Variants in FHIT observed in about 807,000 individuals in gnomAD.
FHIT encodes the protein fragile histidine triad diadenosine triphosphatase, also known as bis(5'-adenosyl)-triphosphatase.
In FHIT, 19 loss-of-function variants were observed where a neutral mutation model predicts 17.9. That is an observed-to-expected ratio of 1.06 (90% confidence interval 0.74 to 1.56). FHIT has a LOEUF of 1.56. FHIT is among the 40% of genes most tolerant of loss of function. The pLI, the probability that FHIT is intolerant of heterozygous loss-of-function variation, is 0.00. For synonymous variants in FHIT, 81 were observed against 69.7 expected (o/e 1.16, Z -0.81); for missense variants, 248 against 189.2 (o/e 1.31, Z -1.82).
chr3:60,900,082 A>G (rs1394333912), intron 3 of FHIT, among the ~76,000 whole-genome samples: 1 of 152,194 alleles, frequency 6.6e-6, no homozygotes, highest in Non-Finnish European at 1.5e-5. Flanking sequence ...GGCAGCTTCA[A>G]GATAGCAGGC....
At chr3:59,930,728 T>C (rs1034762312) in intron 7 of FHIT, among the ~76,000 whole-genome samples, 3 of 151,980 alleles carry the variant, frequency 2.0e-5, no homozygotes, top group African/African-American at 7.3e-5. Context: ...TTAGGAAACG[T>C]TGGGGGGTGG....
intron 3 of FHIT, among the ~76,000 whole-genome samples, chr3:60,949,926 G>T (rs1000207798): frequency 3.9e-5 from 6 of 152,134 alleles, no homozygotes; most frequent in Admixed American, 1.3e-4. Context: ...TTATGGTATA[G>T]CCATAAAGTG....
chr3:60,569,164 C>T (rs2107657997), intron 4 of FHIT, among the ~76,000 whole-genome samples: 1 of 152,016 alleles, frequency 6.6e-6, no homozygotes, highest in South Asian at 2.1e-4. Flanking sequence ...TTGACATAGA[C>T]CAAGGTAACA....
intron 5 of FHIT, among the ~76,000 whole-genome samples, chr3:60,280,787 T>C (rs1168504404): frequency 6.6e-6 from 1 of 152,180 alleles, no homozygotes; most frequent in Non-Finnish European, 1.5e-5. Flanking sequence ...GATTTTCCCC[T>C]GTTAATACTC....
chr3:59,869,318 C>G (rs566439333), intron 8 of FHIT, among the ~76,000 whole-genome samples: 1 of 152,076 alleles, frequency 6.6e-6, no homozygotes, highest in Non-Finnish European at 1.5e-5. Context: ...ATTATGCTTT[C>G]TATCCTGCCC....
intron 5 of FHIT, among the ~76,000 whole-genome samples, chr3:60,157,144 T>G (rs1341960058): frequency 2.0e-5 from 3 of 152,226 alleles, no homozygotes; most frequent in East Asian, 3.8e-4. Context: ...GATGTAATAA[T>G]GGTTTCAGTG....
intron 8 of FHIT, among the ~76,000 whole-genome samples, chr3:59,805,907 C>T (rs926730825): frequency 6.6e-6 from 1 of 152,058 alleles, no homozygotes; most frequent in African/African-American, 2.4e-5. Context: ...GGAAGCTGGG[C>T]GCGGTGGCTC....
chr3:61,234,811 T>C (rs2040190081), intron 1 of FHIT, among the ~76,000 whole-genome samples: 1 of 152,194 alleles, frequency 6.6e-6, no homozygotes, highest in Non-Finnish European at 1.5e-5. Flanking sequence ...GCAGATCCAA[T>C]GGAGTTAACA....
At chr3:61,147,942 G>T (rs1194347356) in intron 2 of FHIT, among the ~76,000 whole-genome samples, 3 of 151,556 alleles carry the variant, frequency 2.0e-5, no homozygotes, top group Admixed American at 2.0e-4. Context: ...CATCATAAAT[G>T]TAATTTCAAA....
At chr3:61,023,974 G>A (rs974346169) in intron 3 of FHIT, among the ~76,000 whole-genome samples, 1 of 152,058 alleles carries the variant, frequency 6.6e-6, no homozygotes, top group Non-Finnish European at 1.5e-5. Context: ...AAAAGCAATG[G>A]CAACAAAAGC....
chr3:60,604,767 C>CTA (rs2038555333), intron 4 of FHIT, among the ~76,000 whole-genome samples: 1 of 152,190 alleles, frequency 6.6e-6, no homozygotes, highest in Non-Finnish European at 1.5e-5. Flanking sequence ...CTCTCACTTA[C>CTA]TATTGCCCAG....
At chr3:60,381,621 G>A (rs947823464) in intron 5 of FHIT, among the ~76,000 whole-genome samples, 2 of 152,184 alleles carry the variant, frequency 1.3e-5, no homozygotes, top group Non-Finnish European at 2.9e-5. Context: ...TATCTGCATT[G>A]ACTGCCAATC....
At position 60,484,193 on chromosome 3, in the gene FHIT, C is replaced by T. The variant is rs79929742; in HGVS notation, c.103+52667G>A. 4.0e-3 allele frequency among the ~76,000 whole-genome samples: 614 copies of T among 152,142 alleles called. 2 individuals are homozygous for T. The highest frequency in any genetic ancestry group is 6.2e-3 in the Non-Finnish European group (422 of 67,976). On this transcript the variant is annotated intron_variant, in intron 5 of 9. Transcript: ENST00000492590. Reference sequence around the variant, plus strand: ...AAATAAGAGAAAACAAATTGGACAACCTTCCATCCTCATGGATAGAAGGAA... The same window carrying T: ...AAATAAGAGAAAACAAATTGGACAATCTTCCATCCTCATGGATAGAAGGAA...
intron 2 of FHIT, among the ~76,000 whole-genome samples, chr3:61,145,058 T>C (rs1415416333): frequency 1.3e-5 from 2 of 152,158 alleles, no homozygotes; most frequent in Non-Finnish European, 2.9e-5. Flanking sequence ...GTCTAAATTA[T>C]CTATTTTTTA....
chr3:60,878,950 A>G (rs1704821729), intron 3 of FHIT, among the ~76,000 whole-genome samples: 1 of 152,186 alleles, frequency 6.6e-6, no homozygotes, highest in African/African-American at 2.4e-5. Flanking sequence ...CAATAAACAT[A>G]CATGTGCATG....
intron 3 of FHIT, among the ~76,000 whole-genome samples, chr3:60,951,476 C>T (rs1255319200): frequency 6.6e-6 from 1 of 152,154 alleles, no homozygotes. Context: ...GGAACCGTAA[C>T]AAGCAAACGA....
chr3:59,991,145 T>G (rs961128153), intron 7 of FHIT, among the ~76,000 whole-genome samples: 7 of 152,042 alleles, frequency 4.6e-5, no homozygotes, highest in Non-Finnish European at 8.8e-5. Flanking sequence ...AATTAGGCCA[T>G]GTGTGACAGT....
chr3:60,442,581 G>T, intron 5 of FHIT, among the ~76,000 whole-genome samples: 1 of 152,110 alleles, frequency 6.6e-6, no homozygotes, highest in South Asian at 2.1e-4. Flanking sequence ...TCAGATAGTT[G>T]TAGATGTGTG....
intron 3 of FHIT, among the ~76,000 whole-genome samples, chr3:60,920,021 G>A (rs573173319): frequency 1.8e-4 from 27 of 150,474 alleles, no homozygotes; most frequent in African/African-American, 6.3e-4. Context: ...GCGACAGAGC[G>A]AGACTCCGTC....
Sources: gnomAD v4.1 joint callset for allele counts (sites outside exome capture counted in the v4.1 genomes callset) on GRCh38, gnomAD v4.1.1 for gene constraint, MANE v1.5 for transcripts, NCBI Gene and HGNC (gene_info 2026-07-23, HGNC 2026-07-21) for gene names.